Variants in MBTD1 observed in about 807,000 individuals in gnomAD.
MBTD1 encodes the protein mbt domain containing 1.
In MBTD1, 24 loss-of-function variants were observed where a neutral mutation model predicts 87.8. The ratio of observed to expected loss-of-function variants is 0.27; its 90% CI spans 0.20 to 0.38. MBTD1 has a LOEUF of 0.38. Ranked by LOEUF, MBTD1 falls within the 10% of genes least tolerant of loss-of-function variation. The pLI is 1.00. For synonymous variants in MBTD1, 237 were observed against 248.6 expected (o/e 0.95, Z 0.44); for missense variants, 436 against 760.2 (o/e 0.57, Z 5.02).
chr17:51,239,900 T>A (rs1434870584), intron 2 of MBTD1, among the ~76,000 whole-genome samples: 1 of 152,202 alleles, frequency 6.6e-6, no homozygotes, highest in Admixed American at 6.5e-5. Flanking sequence ...CCCAATACTT[T>A]CATCTGATCT....
rs548902033 is a variant in MBTD1 at position 51,197,520 on chromosome 17, C to CT, written c.1225-2160dup. 5.8e-3 allele frequency among the ~76,000 whole-genome samples: 812 copies of CT among 139,036 alleles called. 3 individuals carry two copies. The highest frequency in any genetic ancestry group is 0.015 in the South Asian group (67 of 4,332). 91.2% of individuals were successfully genotyped at this position (139,036 alleles called of 152,430 possible). ...GCTCACTACTCTTAATTTTTCTTTT[C>CT]TTTTTTTTTTTTTTTGAGACAAGGT... On this transcript the variant is annotated intron_variant, in intron 12 of 16. Transcript: ENST00000586178.
At chr17:51,211,871 C>A (rs2052242954) in intron 6 of MBTD1, among the ~76,000 whole-genome samples, 1 of 151,748 alleles carries the variant, frequency 6.6e-6, no homozygotes, top group South Asian at 2.1e-4. Context: ...TTACTGTAAA[C>A]TATTGCTACT....
chr17:51,259,077 G>C (rs924308020), intron 2 of MBTD1, 66 bp downstream of exon 2: 1 of 402,126 alleles, frequency 2.5e-6, no homozygotes, highest in African/African-American at 2.1e-5. Flanking sequence ...CTGAAATATG[G>C]GCTTTCCTGG....
chr17:51,254,341 C>T (rs1032091062), intron 2 of MBTD1, among the ~76,000 whole-genome samples: 3 of 152,050 alleles, frequency 2.0e-5, no homozygotes, highest in Non-Finnish European at 4.4e-5. Flanking sequence ...CTTACTGTTA[C>T]GAGGAACATA....
chr17:51,222,027 A>C (rs945767956), intron 3 of MBTD1, among the ~76,000 whole-genome samples: 2 of 152,206 alleles, frequency 1.3e-5, no homozygotes, highest in Non-Finnish European at 2.9e-5. Flanking sequence ...AAAATTCTAG[A>C]ATAGATTGTT....
chr17:51,216,824 T>G (rs1274215765), intron 6 of MBTD1, among the ~76,000 whole-genome samples: 1 of 152,142 alleles, frequency 6.6e-6, no homozygotes, highest in African/African-American at 2.4e-5. Flanking sequence ...CCTCAAGTGA[T>G]CCTCCTGCCT....
At chr17:51,259,265 G>C in intron 1 of MBTD1, 59 bp from the exon 2 acceptor site, 1 of 1,231,586 alleles carries the variant, frequency 8.1e-7, no homozygotes. Flanking sequence ...GAAGTCCACC[G>C]ACTTGAAACC....
chr17:51,234,850 C>G (rs564244905), intron 2 of MBTD1, among the ~76,000 whole-genome samples: 2 of 152,046 alleles, frequency 1.3e-5, no homozygotes, highest in South Asian at 2.1e-4. Context: ...TATACCACCA[C>G]GCCTGGCTAA....
intron 16 of MBTD1, chr17:51,184,793 G>A (rs981793091): frequency 1.2e-4 from 18 of 152,090 alleles, no homozygotes; most frequent in African/African-American, 4.1e-4. Flanking sequence ...AGTAATGCAA[G>A]ACTATTTCAT....
chr17:51,243,437 G>A (rs2054264753), intron 2 of MBTD1, among the ~76,000 whole-genome samples: 1 of 151,980 alleles, frequency 6.6e-6, no homozygotes, highest in Admixed American at 6.6e-5. Flanking sequence ...TAAACACATA[G>A]ATTTTCTGAA....
At position 51,179,522 on chromosome 17, in the gene MBTD1, A is replaced by ATT. The variant is rs1568136471; in HGVS notation, c.*1053_*1054insAA. 1.1e-4 allele frequency: 11 copies of ATT among 98,008 alleles called. No individual in the cohort carries two copies. Among genetic ancestry groups the ATT allele is most frequent in the South Asian group, 2.9e-4 (1 of 3,422 alleles). 6.1% of individuals were successfully genotyped at this position (98,008 alleles called of 1,614,324 possible). The stretch of plus-strand genomic sequence containing the variant: ...TATATATATATATATATATATATAT[A>ATT]TATATATATATATATGGAATTTTAA... On this transcript the variant is annotated 3_prime_UTR_variant, in exon 17 of 17. Coordinates refer to ENST00000586178, the MANE Select transcript of MBTD1 (RefSeq NM_017643.3).
At chr17:51,221,592 G>A (rs2052893263) in intron 3 of MBTD1, among the ~76,000 whole-genome samples, 1 of 152,124 alleles carries the variant, frequency 6.6e-6, no homozygotes, top group African/African-American at 2.4e-5. Flanking sequence ...GCTTCCATGG[G>A]TTCTGTATCT....
chr17:51,243,722 T>C (rs550048834), intron 2 of MBTD1, among the ~76,000 whole-genome samples: 1 of 152,314 alleles, frequency 6.6e-6, no homozygotes, highest in East Asian at 1.9e-4. Context: ...ATACAGGGTC[T>C]CCCTATGTTG....
Position 51,195,331 on chromosome 17 carries a change from T to A in MBTD1, c.1255A>T (p.Ile419Phe). The change falls in exon 13 of 17, where the codon ATC (isoleucine) becomes TTC (phenylalanine). Residue 419 changes from isoleucine to phenylalanine, a missense_variant. This residue lies in a region of MBTD1 where 268 missense variants were observed against 401.8 expected (regional missense o/e 0.67). Coordinates refer to ENST00000586178, the MANE Select transcript of MBTD1 (RefSeq NM_017643.3). ...CCGTCTGCTGCTTCTGAGCCATCGA[T>A]CCCAATCATCAGGAATCCGTCAGCT... is the stretch of plus-strand genomic sequence containing the variant. Reference protein sequence around the residue: ...VLADGFLMIGIDGSEAADGSD... With the variant: ...VLADGFLMIGFDGSEAADGSD... 6.2e-7 allele frequency: 1 copy of A among 1,610,422 alleles called. No homozygotes were observed.
In MBTD1 at chr17:51,193,414, C is replaced by T. The variant is rs1246169317; in HGVS notation, c.1455+14G>A. The T allele has an allele frequency of 4.4e-6, 7 of 1,575,660 alleles. No homozygotes were observed. Among genetic ancestry groups the T allele is most frequent in the African/African-American group, 1.4e-5 (1 of 73,968 alleles). On this transcript the variant is annotated intron_variant, in intron 14 of 16. Transcript: ENST00000586178. Reference sequence around the variant, plus strand: ...AATAAGTCCTCACATAATTATGCTGCCATTTAAATTTACCTTATTAAATAG... The same window carrying T: ...AATAAGTCCTCACATAATTATGCTGTCATTTAAATTTACCTTATTAAATAG...
intron 16 of MBTD1, among the ~76,000 whole-genome samples, chr17:51,190,698 G>A (rs1422615930): frequency 2.5e-5 from 3 of 122,088 alleles, no homozygotes; most frequent in Non-Finnish European, 4.8e-5. Context: ...TTCCAGTCTG[G>A]GCGACAGACT....
At chr17:51,245,857 G>A (rs2054406305) in intron 2 of MBTD1, among the ~76,000 whole-genome samples, 1 of 152,052 alleles carries the variant, frequency 6.6e-6, no homozygotes, top group African/African-American at 2.4e-5. Flanking sequence ...TGCACTTCAA[G>A]TATTAGATAG....
chr17:51,252,470 AATCCTAG>A (rs2054844605), intron 2 of MBTD1, among the ~76,000 whole-genome samples: 1 of 152,150 alleles, frequency 6.6e-6, no homozygotes, highest in Admixed American at 6.5e-5. Flanking sequence ...TCACACCTGT[AATCCTAG>A]CACTTTGGGA....
chr17:51,196,373 G>A (rs932553792), intron 12 of MBTD1, among the ~76,000 whole-genome samples: 4 of 151,628 alleles, frequency 2.6e-5, no homozygotes, highest in Non-Finnish European at 5.9e-5. Flanking sequence ...ACAGGTATGG[G>A]CCACCACGCC....
Sources: allele counts gnomAD v4.1 joint callset (sites outside exome capture counted in the v4.1 genomes callset), GRCh38; gene constraint gnomAD v4.1.1; regional missense constraint gnomAD v4.1.1; transcripts MANE v1.5; gene names NCBI Gene and HGNC (gene_info 2026-07-23, HGNC 2026-07-21).